LHFPL6: variants seen among roughly 807,000 people sequenced by gnomAD.
The protein encoded by LHFPL6 is LHFPL tetraspan subfamily member 6.
In LHFPL6, 9 loss-of-function variants were observed where a neutral mutation model predicts 20.6. That is an observed-to-expected ratio of 0.44 (90% CI 0.26 to 0.76). LHFPL6 has a LOEUF of 0.76. Among genes scored for constraint, LHFPL6 ranks in the 30% least tolerant of loss-of-function variants. The probability of loss-of-function intolerance (pLI) is 0.20; values close to 1 mark genes in which losing one functional copy is unlikely to be tolerated. For missense variants in LHFPL6, 218 were observed against 253.5 expected, an observed-to-expected ratio of 0.86 and a Z score of 0.95; for synonymous variants, 105 against 98.7, an observed-to-expected ratio of 1.06 and a Z score of -0.38.
chr13:39,553,167 A>G (rs895356356), intron 2 of LHFPL6, among the ~76,000 whole-genome samples: 3 of 152,230 alleles, frequency 2.0e-5, no homozygotes, highest in African/African-American at 7.2e-5. Context: ...TTTAGTCTTC[A>G]TGGGAAAGCA....
At chr13:39,428,790 T>C (rs922694745) in intron 2 of LHFPL6, among the ~76,000 whole-genome samples, 3 of 152,332 alleles carry the variant, frequency 2.0e-5, no homozygotes, top group South Asian at 4.1e-4. Context: ...TCTATTCTAA[T>C]GGAGCAATAC....
intron 2 of LHFPL6, among the ~76,000 whole-genome samples, chr13:39,472,108 T>C (rs1343805927): frequency 6.6e-6 from 1 of 152,188 alleles, no homozygotes; most frequent in East Asian, 1.9e-4. Context: ...TAGCGCTCCA[T>C]TCATTTTTTT....
chr13:39,519,317 A>T (rs9532387), intron 2 of LHFPL6, among the ~76,000 whole-genome samples: 3 of 151,868 alleles, frequency 2.0e-5, no homozygotes, highest in African/African-American at 2.4e-5. Flanking sequence ...ATTTGCTTAC[A>T]GTAGAAATTC....
chr13:39,412,861 G>A (rs1294129793), intron 2 of LHFPL6, among the ~76,000 whole-genome samples: 1 of 151,424 alleles, frequency 6.6e-6, no homozygotes, highest in Non-Finnish European at 1.5e-5. Flanking sequence ...GGCGGAGGTT[G>A]CAGTGAGCCG....
At chr13:39,596,209 A>C (rs891452704) in intron 2 of LHFPL6, among the ~76,000 whole-genome samples, 1 of 152,176 alleles carries the variant, frequency 6.6e-6, no homozygotes, top group Non-Finnish European at 1.5e-5. Context: ...AACTAAGAGA[A>C]ATGGAACAAG....
chr13:39,562,521 CACATATACACATATAT>C (rs1871547679), intron 2 of LHFPL6, among the ~76,000 whole-genome samples: 1 of 131,286 alleles, frequency 7.6e-6, no homozygotes, highest in Non-Finnish European at 1.7e-5. Context: ...TACATATATA[CACATATACACATATAT>C]ACACATATAC....
intron 1 of LHFPL6, among the ~76,000 whole-genome samples, chr13:39,602,288 C>T (rs1439231596): frequency 6.6e-6 from 1 of 152,168 alleles, no homozygotes; most frequent in African/African-American, 2.4e-5. Context: ...ATTCCACCCC[C>T]AGGACCCCTA....
At chr13:39,489,805 T>C (rs568330045) in intron 2 of LHFPL6, among the ~76,000 whole-genome samples, 11 of 152,176 alleles carry the variant, frequency 7.2e-5, no homozygotes, top group Non-Finnish European at 1.3e-4. Flanking sequence ...TCCATCCGCC[T>C]CAGCCTCCCA....
rs1870265905 is a variant in LHFPL6 at position 39,375,497 on chromosome 13, C to A, written c.484+2931G>T. ...CTTGAGGTCAGGGGTTCGAGACTAGCCTGGCCAACACGGCGAAACCCCATC... is the reference window on the plus strand; with the variant it reads ...CTTGAGGTCAGGGGTTCGAGACTAGACTGGCCAACACGGCGAAACCCCATC... On this transcript the variant is annotated intron_variant, in intron 3 of 3. Transcript: ENST00000379589. Among the ~76,000 whole-genome samples, 6 of 152,012 alleles carry A rather than the reference C, an allele frequency of 3.9e-5. No individual in the cohort carries two copies. In the South Asian group the frequency reaches 1.2e-3, roughly 32 times the overall value.
At chr13:39,593,763 C>G (rs1356072750) in intron 2 of LHFPL6, among the ~76,000 whole-genome samples, 1 of 150,706 alleles carries the variant, frequency 6.6e-6, no homozygotes, top group East Asian at 1.9e-4. Context: ...GGTACCAAAA[C>G]AGAGATATAG....
intron 2 of LHFPL6, among the ~76,000 whole-genome samples, chr13:39,543,672 A>AT (rs138034060): frequency 6.6e-6 from 1 of 152,286 alleles, no homozygotes; most frequent in African/African-American, 2.4e-5. Flanking sequence ...ACAAGAAATT[A>AT]TAAGTACAAA....
chr13:39,555,923 C>T (rs770534700), intron 2 of LHFPL6, among the ~76,000 whole-genome samples: 9 of 152,208 alleles, frequency 5.9e-5, no homozygotes, highest in Non-Finnish European at 1.2e-4. Context: ...AGTACCATCC[C>T]CTTGGTGGTA....
intron 2 of LHFPL6, among the ~76,000 whole-genome samples, chr13:39,379,744 C>G (rs1260888517): frequency 6.6e-6 from 1 of 152,090 alleles, no homozygotes; most frequent in Non-Finnish European, 1.5e-5. Context: ...AAAGGCCTCC[C>G]TAAGGAAAGG....
At chr13:39,344,399 G>A (rs531973505) in intron 3 of LHFPL6, among the ~76,000 whole-genome samples, 28 of 152,222 alleles carry the variant, frequency 1.8e-4, no homozygotes, top group African/African-American at 6.0e-4. Context: ...GCTCACCTGC[G>A]TAACAAAGTA....
intron 2 of LHFPL6, among the ~76,000 whole-genome samples, chr13:39,478,196 G>T (rs1037172205): frequency 2.2e-4 from 33 of 152,264 alleles, no homozygotes; most frequent in African/African-American, 7.5e-4. Flanking sequence ...CCTTCAAGGA[G>T]TTAATACATT....
chr13:39,495,867 C>T (rs1269932998), intron 2 of LHFPL6, among the ~76,000 whole-genome samples: 1 of 138,074 alleles, frequency 7.2e-6, no homozygotes, highest in Non-Finnish European at 1.5e-5. Context: ...TGTAGAAAGA[C>T]TTCAGGCTTC....
At chr13:39,435,229 A>G (rs2138409019) in intron 2 of LHFPL6, among the ~76,000 whole-genome samples, 1 of 152,236 alleles carries the variant, frequency 6.6e-6, no homozygotes, top group Non-Finnish European at 1.5e-5. Flanking sequence ...ACCTTTTTTT[A>G]ATGAAAATAT....
chr13:39,511,883 C>T (rs963941085), intron 2 of LHFPL6, among the ~76,000 whole-genome samples: 3 of 152,176 alleles, frequency 2.0e-5, no homozygotes, highest in Non-Finnish European at 4.4e-5. Flanking sequence ...CTCACATAGG[C>T]ACCCTCCATT....
intron 2 of LHFPL6, among the ~76,000 whole-genome samples, chr13:39,418,101 C>T (rs552180879): frequency 6.6e-6 from 1 of 152,166 alleles, no homozygotes; most frequent in South Asian, 2.1e-4. Context: ...CTCCACCATC[C>T]CACTCCCACC....
Sources: gnomAD v4.1 joint callset for allele counts (sites outside exome capture counted in the v4.1 genomes callset) on GRCh38, gnomAD v4.1.1 for gene constraint, MANE v1.5 for transcripts, NCBI Gene and HGNC (gene_info 2026-07-23, HGNC 2026-07-21) for gene names.